The following GANC variants were observed in gnomAD, a reference collection of about 807,000 sequenced individuals.
GANC encodes the protein glucosidase alpha, neutral C, also known as neutral alpha-glucosidase C.
GANC carries 117 observed loss-of-function variants against 124.2 expected under a neutral mutation model. That is an observed-to-expected ratio of 0.94 (90% CI 0.81 to 1.10). The LOEUF is 1.10. Ranked by LOEUF, GANC falls within the 50% of genes least tolerant of loss-of-function variation. The probability of loss-of-function intolerance (pLI) is 0.00; values close to 1 mark genes in which losing one functional copy is unlikely to be tolerated. For synonymous variants in GANC, 377 were observed against 376.8 expected (o/e 1.00, Z -0.01); for missense variants, 1,140 against 1,095.0 (o/e 1.04, Z -0.58).
chr15:42,331,012 T>C (rs2052240738), intron 15 of GANC, among the ~76,000 whole-genome samples: 1 of 152,064 alleles, frequency 6.6e-6, no homozygotes, highest in Non-Finnish European at 1.5e-5. Context: ...TTGCCCAGGC[T>C]AGTCTCGAAC....
rs1439069650 is a variant in GANC at position 42,352,603 on chromosome 15, C to T, written c.*464C>T. 9.9e-7 allele frequency: 1 copy of T among 1,007,054 alleles called. No homozygotes were observed. Among genetic ancestry groups the T allele is most frequent in the African/African-American group, 1.7e-5 (1 of 58,228 alleles). 62.4% of individuals were successfully genotyped at this position (1,007,054 alleles called of 1,614,324 possible). ...TGGTACTCCCCCCAGTTATCTTCCACCCACATGGACTGGGCAGAGCAGCCC... is the reference window on the plus strand; with the variant it reads ...TGGTACTCCCCCCAGTTATCTTCCATCCACATGGACTGGGCAGAGCAGCCC... On this transcript the variant is annotated 3_prime_UTR_variant, in exon 24 of 24. Coordinates refer to ENST00000318010, the MANE Select transcript of GANC (RefSeq NM_198141.3).
At position 42,352,644 on chromosome 15, in the gene GANC, G is replaced by A; in HGVS notation, c.*505G>A. On this transcript the variant is annotated 3_prime_UTR_variant, in exon 24 of 24. Coordinates refer to ENST00000318010, the MANE Select transcript of GANC (RefSeq NM_198141.3). ...AGAGCAGCCCTCTTCTGTGTGCACT[G>A]CATACGCTGCAGCCGTGGGAGTTAT... is the stretch of plus-strand genomic sequence containing the variant. The A allele has an allele frequency of 2.0e-6, 2 of 987,304 alleles. No homozygotes were observed. The highest frequency in any genetic ancestry group is 2.4e-6 in the Non-Finnish European group (2 of 830,828). 61.2% of individuals were successfully genotyped at this position (987,304 alleles called of 1,614,324 possible). A position where few individuals can be genotyped will look rare whatever the true frequency, so the allele number is the denominator to read the frequency against.
chr15:42,317,980 A>C (rs2052123506), intron 10 of GANC, among the ~76,000 whole-genome samples: 1 of 152,224 alleles, frequency 6.6e-6, no homozygotes, highest in South Asian at 2.1e-4. Context: ...TCTCCCATCC[A>C]ATCTAGTTAT....
At chr15:42,339,972 T>G in intron 17 of GANC, 60 bp downstream of exon 17, 2 of 1,537,004 alleles carry the variant, frequency 1.3e-6, no homozygotes, top group Non-Finnish European at 1.8e-6. Flanking sequence ...AAGATCTCAG[T>G]GATTAAAGAA....
In GANC at chr15:42,348,194, T is replaced by C. The variant is rs756934056; in HGVS notation, c.2396T>C (p.Leu799Pro). The C allele has an allele frequency of 6.2e-7, 1 of 1,611,078 alleles. No homozygotes were observed. The highest frequency in any genetic ancestry group is 8.5e-7 in the Non-Finnish European group (1 of 1,178,456). The part of the protein sequence containing the change: ...TGWMTESSYG[L>P]RVALSTKGSS... ...TGGATGACTGAATCCTCCTATGGACTCCGGGTTGCTCTAAGCACTAAGGTA... is the reference window on the plus strand; with the variant it reads ...TGGATGACTGAATCCTCCTATGGACCCCGGGTTGCTCTAAGCACTAAGGTA... Residue 799 changes from leucine (L) to proline (P), a missense_variant, in exon 21 of 24, where the codon CTC (leucine) becomes CCC (proline). By Grantham distance (98) the Leu-to-Pro change is moderately conservative. Transcript: ENST00000318010.
At chr15:42,336,855 A>C (rs1418867054) in intron 15 of GANC, among the ~76,000 whole-genome samples, 1 of 152,196 alleles carries the variant, frequency 6.6e-6, no homozygotes, top group Admixed American at 6.5e-5. Flanking sequence ...AAGAAGACAT[A>C]CATGTGGCCA....
chr15:42,293,528 C>CTTTTTTTTTTTTTTTTTTTTT (rs1566951280), intron 5 of GANC, among the ~76,000 whole-genome samples: 12 of 151,914 alleles, frequency 7.9e-5, no homozygotes, highest in African/African-American at 2.7e-4. Context: ...CAACTCATTT[C>CTTTTTTTTTTTTTTTTTTTTT]TGTTTTAAAA....
intron 3 of GANC, among the ~76,000 whole-genome samples, chr15:42,282,951 GTCTTT>G (rs764244379): frequency 9.2e-5 from 14 of 152,262 alleles, no homozygotes; most frequent in Non-Finnish European, 2.1e-4. Flanking sequence ...AAGCTCTCCC[GTCTTT>G]TCTTATAAGG....
intron 2 of GANC, 106 bp from the exon 3 acceptor site, chr15:42,278,376 A>T (rs569163814): frequency 1.4e-6 from 1 of 719,518 alleles, no homozygotes; most frequent in East Asian, 2.7e-5. Flanking sequence ...CCTGAAATTC[A>T]CTGAATATCA....
At chr15:42,299,098 A>G (rs549503246) in intron 6 of GANC, among the ~76,000 whole-genome samples, 3 of 152,248 alleles carry the variant, frequency 2.0e-5, no homozygotes, top group African/African-American at 4.8e-5. Flanking sequence ...TCCAATTACT[A>G]TGTTGAATAG....
intron 15 of GANC, among the ~76,000 whole-genome samples, chr15:42,337,607 T>TA (rs2052292717): frequency 6.6e-6 from 1 of 152,006 alleles, no homozygotes; most frequent in African/African-American, 2.4e-5. Flanking sequence ...AACTAATGGG[T>TA]ATTAGGCTTA....
At position 42,338,487 on chromosome 15, in the gene GANC, G is replaced by A. The variant is rs999040163; in HGVS notation, c.1840G>A (p.Gly614Arg). ...TLSITGISFC[G>R]ADIGGFIGNP... The stretch of plus-strand genomic sequence containing the variant: ...CAGCATTACTGGGATCTCTTTTTGC[G>A]GAGGTAAGATGAGTCCTTTGAGGCT... Residue 614 changes from glycine (G) to arginine (R), a missense_variant, in exon 16 of 24, where the codon GGA becomes AGA. Coordinates refer to ENST00000318010, the MANE Select transcript of GANC (RefSeq NM_198141.3). 8.7e-6 allele frequency: 14 copies of A among 1,608,378 alleles called. No individual in the cohort carries two copies. The highest frequency in any genetic ancestry group is 3.3e-5 in the South Asian group (3 of 90,924).
At chr15:42,341,623 G>C (rs2052329921) in intron 18 of GANC, among the ~76,000 whole-genome samples, 1 of 151,754 alleles carries the variant, frequency 6.6e-6, no homozygotes, top group African/African-American at 2.4e-5. Context: ...GAGTGCAGTG[G>C]TGTAATCTTG....
chr15:42,284,344 T>C, intron 3 of GANC: 1 of 241,132 alleles, frequency 4.1e-6, no homozygotes, highest in Non-Finnish European at 8.0e-6. Flanking sequence ...AAGCTATTTC[T>C]ACCACCATGA....
At chr15:42,280,347 T>A (rs886647482) in intron 3 of GANC, among the ~76,000 whole-genome samples, 1 of 152,194 alleles carries the variant, frequency 6.6e-6, no homozygotes, top group Non-Finnish European at 1.5e-5. Flanking sequence ...ATATTCTTAT[T>A]TATATATGTT....
At chr15:42,343,394 A>T in intron 19 of GANC, 1 of 489,360 alleles carries the variant, frequency 2.0e-6, no homozygotes, top group Non-Finnish European at 3.7e-6. Flanking sequence ...TTTAGTCTTC[A>T]CACTTTGACT....
intron 5 of GANC, among the ~76,000 whole-genome samples, chr15:42,296,835 T>G (rs909965490): frequency 6.6e-6 from 1 of 151,532 alleles, no homozygotes; most frequent in Non-Finnish European, 1.5e-5. Flanking sequence ...CACTCAAATA[T>G]TTTTTTTCTT....
intron 3 of GANC, chr15:42,280,884 G>A (rs1410508430): frequency 1.4e-6 from 1 of 690,796 alleles, no homozygotes; most frequent in Admixed American, 2.1e-5. Flanking sequence ...TCTCTTTTTG[G>A]ATCCTGAAAA....
chr15:42,298,395 T>A (rs959326092), intron 6 of GANC, among the ~76,000 whole-genome samples: 2 of 152,206 alleles, frequency 1.3e-5, no homozygotes, highest in African/African-American at 4.8e-5. Flanking sequence ...AAGTACCTCC[T>A]ATATCCCAGG....
Sources: allele counts gnomAD v4.1 joint callset (sites outside exome capture counted in the v4.1 genomes callset), GRCh38; gene constraint gnomAD v4.1.1; transcripts MANE v1.5; gene names NCBI Gene and HGNC (gene_info 2026-07-23, HGNC 2026-07-21).